MALRD1: variants seen among roughly 807,000 people sequenced by gnomAD.
The protein encoded by MALRD1 is MAM and LDL receptor class A domain containing 1.
Under a neutral mutation model 242.1 loss-of-function variants are expected in MALRD1, and 247 were observed. The ratio of observed to expected loss-of-function variants is 1.02; its 90% CI spans 0.92 to 1.13. MALRD1 has a LOEUF of 1.13. MALRD1 is among the 50% of genes most tolerant of loss of function. The pLI is 0.00. For missense variants in MALRD1, 2,989 were observed against 2,533.1 expected (o/e 1.18, Z -3.86); for synonymous variants, 995 against 866.6 (o/e 1.15, Z -2.60).
rs528251211 is a variant in MALRD1, at chr10:19,283,966, C to T, written c.3419+785C>T. On this transcript the variant is annotated intron_variant, in intron 21 of 39. Transcript: ENST00000454679. ...GCAAGTCAATAAATAGAAAGCGCTGCAGATGGTGTTAACTGCTACACAGCA... is the reference window on the plus strand; with the variant it reads ...GCAAGTCAATAAATAGAAAGCGCTGTAGATGGTGTTAACTGCTACACAGCA... Among the ~76,000 whole-genome samples, 3 of 152,220 alleles carry T rather than the reference C, an allele frequency of 2.0e-5. No individual in the cohort carries two copies. The South Asian group carries it at 6.2e-4, about 32-fold the overall frequency.
At chr10:19,649,412 T>G (rs1840775065) in intron 36 of MALRD1, among the ~76,000 whole-genome samples, 1 of 152,206 alleles carries the variant, frequency 6.6e-6, no homozygotes, top group Non-Finnish European at 1.5e-5. Flanking sequence ...ATTTTTTGAC[T>G]TTTTAATAAT....
intron 18 of MALRD1, among the ~76,000 whole-genome samples, chr10:19,251,291 G>A (rs1333719635): frequency 1.3e-5 from 2 of 151,994 alleles, no homozygotes; most frequent in African/African-American, 2.4e-5. Context: ...TTTGAGCAAA[G>A]GGCGTATTTA....
chr10:19,658,564 G>A (rs1841283238), intron 36 of MALRD1, among the ~76,000 whole-genome samples: 1 of 152,072 alleles, frequency 6.6e-6, no homozygotes, highest in African/African-American at 2.4e-5. Flanking sequence ...TATTAAGTAA[G>A]GGTCAAGAGT....
At chr10:19,478,203 G>T (rs1381987355) in intron 29 of MALRD1, among the ~76,000 whole-genome samples, 3 of 152,130 alleles carry the variant, frequency 2.0e-5, no homozygotes, top group African/African-American at 7.2e-5. Context: ...TTATTGTTTT[G>T]AACAGATAAG....
chr10:19,333,601 T>C (rs948192304), intron 24 of MALRD1, among the ~76,000 whole-genome samples: 2 of 152,190 alleles, frequency 1.3e-5, no homozygotes, highest in Admixed American at 1.3e-4. Context: ...CGTGCTCCGA[T>C]GAACATAGGA....
intron 14 of MALRD1, among the ~76,000 whole-genome samples, chr10:19,191,520 C>T (rs1835974139): frequency 6.6e-6 from 1 of 152,124 alleles, no homozygotes; most frequent in South Asian, 2.1e-4. Flanking sequence ...AAAGCAAGAT[C>T]TCAAAGAGAT....
intron 28 of MALRD1, among the ~76,000 whole-genome samples, chr10:19,444,945 A>G (rs897028366): frequency 5.2e-4 from 79 of 152,184 alleles, no homozygotes; most frequent in Non-Finnish European, 5.9e-4. Flanking sequence ...AGGTACACCA[A>G]TCAGATGTAG....
At chr10:19,233,330 C>T (rs1394484417) in intron 18 of MALRD1, among the ~76,000 whole-genome samples, 5 of 152,022 alleles carry the variant, frequency 3.3e-5, no homozygotes, top group Admixed American at 1.3e-4. Context: ...GATGAAACCC[C>T]ATCTCTACTA....
rs144638852 is a variant in MALRD1, at chr10:19,489,040, C to T, written c.5030-2477C>T. ...TCCCCCGCCAGGGGTCTCAGCAGCT[C>T]GGAGGGTGGAGGGGCGGCAGCGCCA... On this transcript the variant is annotated intron_variant, in intron 29 of 39. Coordinates refer to ENST00000454679, the MANE Select transcript of MALRD1 (RefSeq NM_001142308.3). 1,599 of 457,340 alleles carry T rather than the reference C, an allele frequency of 3.5e-3. 11 individuals carry two copies. Among genetic ancestry groups the T allele is most frequent in the Admixed American group, 5.6e-3 (237 of 42,578 alleles). The allele number at this position is 457,340 out of a possible 1,614,324, so 28.3% of individuals were successfully genotyped here.
At chr10:19,264,822 A>G (rs1839909047) in intron 19 of MALRD1, among the ~76,000 whole-genome samples, 1 of 152,142 alleles carries the variant, frequency 6.6e-6, no homozygotes, top group African/African-American at 2.4e-5. Context: ...TTTGATAAGG[A>G]TTGGTATGAA....
chr10:19,624,619 A>C (rs1045640635), intron 36 of MALRD1, among the ~76,000 whole-genome samples: 1 of 152,080 alleles, frequency 6.6e-6, no homozygotes, highest in Non-Finnish European at 1.5e-5. Flanking sequence ...TAATCCCAGC[A>C]CTTTGGGAGG....
chr10:19,102,851 T>TTTC (rs5783653), intron 4 of MALRD1, among the ~76,000 whole-genome samples: 81,883 of 151,096 alleles, frequency 0.54, 22,289 homozygotes, highest in Middle Eastern at 0.6. Context: ...CGTTCAGTCA[T>TTTC]TTCTTCTTTT....
intron 29 of MALRD1, among the ~76,000 whole-genome samples, chr10:19,451,848 T>A (rs529696282): frequency 1.3e-5 from 2 of 152,284 alleles, no homozygotes; most frequent in African/African-American, 4.8e-5. Flanking sequence ...TACCTTATGT[T>A]AAATAAAATC....
chr10:19,714,289 G>C (rs113693653), intron 38 of MALRD1, among the ~76,000 whole-genome samples: 2,862 of 152,230 alleles, frequency 0.019, 42 homozygotes, highest in Non-Finnish European at 0.029. Context: ...TGGGAAAGTG[G>C]TTTTCCTCCG....
At chr10:19,721,958 A>G (rs1320332765) in intron 38 of MALRD1, 2 of 152,256 alleles carry the variant, frequency 1.3e-5, no homozygotes, top group Non-Finnish European at 1.5e-5. Flanking sequence ...AACAATAGTA[A>G]AAAATGAATT....
chr10:19,299,289 A>G (rs145730707), intron 21 of MALRD1, among the ~76,000 whole-genome samples: 1 of 152,092 alleles, frequency 6.6e-6, no homozygotes, highest in East Asian at 1.9e-4. Flanking sequence ...CTGCTTCTCC[A>G]TAAAAACTGG....
intron 28 of MALRD1, among the ~76,000 whole-genome samples, chr10:19,434,118 C>A (rs1284382291): frequency 6.6e-6 from 1 of 152,160 alleles, no homozygotes; most frequent in Non-Finnish European, 1.5e-5. Context: ...TCCTCCTTCA[C>A]CTTTGAGTCA....
intron 26 of MALRD1, among the ~76,000 whole-genome samples, chr10:19,384,085 T>C (rs1845951393): frequency 6.6e-6 from 1 of 151,370 alleles, no homozygotes; most frequent in Non-Finnish European, 1.5e-5. Flanking sequence ...TGTGAGATGA[T>C]ATTGTGGTTT....
At chr10:19,213,110 A>C (rs1372280306) in intron 18 of MALRD1, among the ~76,000 whole-genome samples, 2 of 152,024 alleles carry the variant, frequency 1.3e-5, no homozygotes, top group Non-Finnish European at 2.9e-5. Context: ...TCTTATCAAT[A>C]TATTATTTTA....
Sources: gnomAD v4.1 joint callset for allele counts (sites outside exome capture counted in the v4.1 genomes callset) on GRCh38, gnomAD v4.1.1 for gene constraint, MANE v1.5 for transcripts, NCBI Gene and HGNC (gene_info 2026-07-23, HGNC 2026-07-21) for gene names.